The following ARHGAP35 variants were observed in gnomAD, a reference collection of about 807,000 sequenced individuals.
The protein encoded by ARHGAP35 is rho GTPase-activating protein 35.
ARHGAP35 carries 15 observed loss-of-function variants against 111.1 expected under a neutral mutation model. The observed-to-expected ratio is 0.13, with a 90% CI of 0.09 to 0.21. ARHGAP35 has a LOEUF of 0.21. ARHGAP35 is among the 10% of genes least tolerant of loss of function. The probability of loss-of-function intolerance (pLI) is 1.00; values close to 1 mark genes in which losing one functional copy is unlikely to be tolerated. For missense variants in ARHGAP35, 1,262 were observed against 1,873.0 expected, an observed-to-expected ratio of 0.67 and a Z score of 6.02; for synonymous variants, 643 against 710.3, an observed-to-expected ratio of 0.91 and a Z score of 1.51.
intron 3 of ARHGAP35, among the ~76,000 whole-genome samples, chr19:46,953,171 C>T (rs1232169894): frequency 1.3e-5 from 2 of 152,148 alleles, no homozygotes; most frequent in African/African-American, 2.4e-5. Flanking sequence ...TCCTCACCCT[C>T]GTGTGGCATA....
intron 3 of ARHGAP35, among the ~76,000 whole-genome samples, chr19:46,938,789 C>A (rs552827793): frequency 4.2e-4 from 64 of 152,144 alleles, no homozygotes; most frequent in Middle Eastern, 3.4e-3. Flanking sequence ...TCCTGAGTAG[C>A]TGGGATTACA....
chr19:46,934,693 G>A (rs915485339), intron 2 of ARHGAP35, among the ~76,000 whole-genome samples: 4 of 147,470 alleles, frequency 2.7e-5, no homozygotes, highest in Admixed American at 6.8e-5. Context: ...ATTTTGAGAC[G>A]GGGTCGCACT....
intron 2 of ARHGAP35, among the ~76,000 whole-genome samples, chr19:46,935,067 C>T (rs907874387): frequency 3.9e-5 from 6 of 152,256 alleles, no homozygotes; most frequent in East Asian, 1.9e-4. Context: ...TATCATACAT[C>T]GTTAATTGGC....
In ARHGAP35 at chr19:46,920,666, T is replaced by G; in HGVS notation, c.1991T>G (p.Leu664Arg). Reference protein sequence around the residue: ...PTFQPHGCLCLYNSKESLSYV... With the variant: ...PTFQPHGCLCRYNSKESLSYV... ...TTTCAGCCCCACGGCTGTCTCTGCCTTTACAATTCAAAGGAATCGCTATCC... is the reference window on the plus strand; with the variant it reads ...TTTCAGCCCCACGGCTGTCTCTGCCGTTACAATTCAAAGGAATCGCTATCC... Residue 664 changes from leucine (L) to arginine (R), a missense_variant, in exon 2 of 7, where the codon CTT becomes CGT. Coordinates refer to ENST00000672722, the MANE Select transcript of ARHGAP35 (RefSeq NM_004491.5). This position sits in a 1 kb window ranked among gnomAD's most constrained non-coding sequence, Gnocchi z 7.0. The G allele has an allele frequency of 6.2e-7, 1 of 1,613,942 alleles. No individual in the cohort carries two copies. The highest frequency in any genetic ancestry group is 8.5e-7 in the Non-Finnish European group (1 of 1,179,878).
intron 3 of ARHGAP35, among the ~76,000 whole-genome samples, chr19:46,966,186 G>A (rs1049815432): frequency 2.0e-5 from 3 of 152,012 alleles, no homozygotes; most frequent in Admixed American, 6.6e-5. Context: ...ATATTTATAC[G>A]ATTTTTGGTA....
rs745987146 is a variant in ARHGAP35 at position 47,003,623 on chromosome 19, G to T, written c.*2935G>T. The T allele has an allele frequency of 6.6e-6, 1 of 152,246 alleles. No individual in the cohort carries two copies. The highest frequency in any genetic ancestry group is 1.5e-5 in the Non-Finnish European group (1 of 68,054). The allele number at this position is 152,246 out of a possible 1,614,324, so 9.4% of individuals were successfully genotyped here. ...TTCCCATCGCCTAGCGTTTGGGGAG[G>T]AACAGGGAGAGAGCTTCGGGGCGTC... On this transcript the variant is annotated 3_prime_UTR_variant, in exon 7 of 7. Transcript: ENST00000672722.
rs34031111 is a variant in ARHGAP35, at chr19:46,989,473, AG to A, written c.3905-70del. The A allele has an allele frequency of 3.1e-3, 4,921 of 1,592,336 alleles. 112 individuals carry two copies. In the African/African-American group the frequency reaches 0.059, roughly 19 times the overall value. ...CTTGAGGTTTCTCTAGCCTCTCCTG[AG>A]CCCCGAGTTGTCCTGATGCTTCTGC... On this transcript the variant is annotated intron_variant, in intron 4 of 6. Coordinates refer to ENST00000672722, the MANE Select transcript of ARHGAP35 (RefSeq NM_004491.5). This position sits in a 1 kb window ranked among gnomAD's most constrained non-coding sequence, Gnocchi z 5.3.
In ARHGAP35 at chr19:46,971,477, T is replaced by G. The variant is rs150359990; in HGVS notation, c.3827-16512T>G. Among the ~76,000 whole-genome samples the G allele has an allele frequency of 1.3e-3, 199 of 151,048 alleles. No homozygotes were observed. The East Asian group carries it at 0.025, about 19-fold the overall frequency. On this transcript the variant is annotated intron_variant, in intron 3 of 6. Transcript: ENST00000672722. Reference sequence around the variant, plus strand: ...GTAATGACTCCCTTGGTTTTTTGGGTTTTTTTTGTTTTGTTTCTCTTTTTT... The same window carrying G: ...GTAATGACTCCCTTGGTTTTTTGGGGTTTTTTTGTTTTGTTTCTCTTTTTT...
In ARHGAP35 at chr19:46,983,054, C is replaced by CAAAAAA. The variant is rs71179281; in HGVS notation, c.3827-4910_3827-4905dup. 7.0e-3 allele frequency among the ~76,000 whole-genome samples: 334 copies of CAAAAAA among 47,646 alleles called. 18 individuals carry two copies. Among genetic ancestry groups the CAAAAAA allele is most frequent in the Middle Eastern group, 0.023 (1 of 44 alleles). 31.3% of individuals were successfully genotyped at this position (47,646 alleles called of 152,430 possible). A position where few individuals can be genotyped will look rare whatever the true frequency, so the allele number is the denominator to read the frequency against. ...GAGTGACAAAGCAAGACCTTGTGTA[C>CAAAAAA]AAAAAAAAAAAAAAAAAAAAAAAAA... On this transcript the variant is annotated intron_variant, in intron 3 of 6. Transcript: ENST00000672722.
chr19:46,870,510 C>T lies in ARHGAP35; in HGVS notation c.-189+9301C>T, dbSNP rs912220428. 2.6e-5 allele frequency among the ~76,000 whole-genome samples: 4 copies of T among 151,636 alleles called. No individual in the cohort carries two copies. The East Asian group carries it at 5.9e-4, about 22-fold the overall frequency. On this transcript the variant is annotated intron_variant, in intron 1 of 6. Transcript: ENST00000672722. ...AGGAGAATGGCGTGAACCCAGGAGG[C>T]GGAGCTTGCAGTGAGCCGAGGTCGT...
rs1424929406 is a variant in ARHGAP35 at position 46,919,861 on chromosome 19, A to G, written c.1186A>G (p.Asn396Asp). 1.2e-6 allele frequency: 2 copies of G among 1,613,956 alleles called. No individual in the cohort carries two copies. The highest frequency in any genetic ancestry group is 2.7e-5 in the African/African-American group (2 of 74,948). Residue 396 changes from asparagine to aspartate, a missense_variant, in exon 2 of 7, where the codon AAC becomes GAC. By Grantham distance (23) the Asn-to-Asp change is conservative. Coordinates refer to ENST00000672722, the MANE Select transcript of ARHGAP35 (RefSeq NM_004491.5). The surrounding 1 kb of genome is among the most constrained non-coding windows in gnomAD (Gnocchi z 6.2). ...TPWDATSHIDNMENERIPFDL... is the reference protein window; with the variant it reads ...TPWDATSHIDDMENERIPFDL... ...ATGGGATGCCACCAGTCACATTGAC[A>G]ACATGGAAAACGAACGGATTCCCTT...
At chr19:46,979,702 C>T (rs1430362685) in intron 3 of ARHGAP35, among the ~76,000 whole-genome samples, 2 of 152,184 alleles carry the variant, frequency 1.3e-5, no homozygotes, top group Admixed American at 6.5e-5. Flanking sequence ...GTGTGCGCAT[C>T]GCTGGCATCG....
intron 1 of ARHGAP35, among the ~76,000 whole-genome samples, chr19:46,896,297 C>T (rs905985861): frequency 1.2e-4 from 19 of 152,128 alleles, no homozygotes; most frequent in Non-Finnish European, 2.4e-4. Flanking sequence ...GGTGTATCAC[C>T]GGAGCCCGGG....
rs992147713 is a variant in ARHGAP35 at position 46,971,476 on chromosome 19, G to GT, written c.3827-16505dup. ...TGTAATGACTCCCTTGGTTTTTTGG[G>GT]TTTTTTTTGTTTTGTTTCTCTTTTT... On this transcript the variant is annotated intron_variant, in intron 3 of 6. Coordinates refer to ENST00000672722, the MANE Select transcript of ARHGAP35 (RefSeq NM_004491.5). Among the ~76,000 whole-genome samples the GT allele has an allele frequency of 1.9e-4, 29 of 151,354 alleles. No homozygotes were observed. The East Asian group carries it at 3.1e-3, about 16-fold the overall frequency.
At chr19:46,962,495 T>A (rs1423102636) in intron 3 of ARHGAP35, among the ~76,000 whole-genome samples, 1 of 152,242 alleles carries the variant, frequency 6.6e-6, no homozygotes, top group Non-Finnish European at 1.5e-5. Flanking sequence ...TATGCTCTTG[T>A]GTTTAGGGCA....
chr19:46,960,065 G>T, intron 3 of ARHGAP35, among the ~76,000 whole-genome samples: 1 of 144,330 alleles, frequency 6.9e-6, no homozygotes, highest in Non-Finnish European at 1.5e-5. Flanking sequence ...AGCTATGATT[G>T]CACCACTGTA....
intron 3 of ARHGAP35, among the ~76,000 whole-genome samples, chr19:46,963,508 C>T (rs927062492): frequency 1.3e-5 from 2 of 152,196 alleles, no homozygotes; most frequent in Non-Finnish European, 2.9e-5. Flanking sequence ...TTTCCAAGCC[C>T]CATCTGAAAG....
intron 1 of ARHGAP35, among the ~76,000 whole-genome samples, chr19:46,913,628 A>T (rs2056149573): frequency 6.6e-6 from 1 of 152,184 alleles, no homozygotes; most frequent in Non-Finnish European, 1.5e-5. Flanking sequence ...GAGAAACCAA[A>T]ATACTTCTGA....
At chr19:46,914,629 A>T (rs566388643) in intron 1 of ARHGAP35, among the ~76,000 whole-genome samples, 8 of 152,122 alleles carry the variant, frequency 5.3e-5, no homozygotes, top group Non-Finnish European at 1.2e-4. Flanking sequence ...AAAATAAAAT[A>T]ATCAGTTCTA....
Sources: gnomAD v4.1 joint callset for allele counts (sites outside exome capture counted in the v4.1 genomes callset) on GRCh38, gnomAD v4.1.1 for gene constraint, Gnocchi (gnomAD v3.1) non-coding constraint, MANE v1.5 for transcripts, NCBI Gene and HGNC (gene_info 2026-07-23, HGNC 2026-07-21) for gene names.